The following TRMT9B variants were observed in gnomAD, a reference collection of about 807,000 sequenced individuals.
TRMT9B encodes tRNA methyltransferase 9B (putative), also known as probable tRNA methyltransferase 9B.
A neutral mutation model predicts 11.5 loss-of-function variants in TRMT9B; 16 were observed. The observed-to-expected ratio is 1.39, with a 90% CI of 0.94 to 2.11. TRMT9B has a LOEUF of 2.11. TRMT9B is among the 30% of genes most tolerant of loss of function. The probability of loss-of-function intolerance (pLI) is 0.00; values close to 1 mark genes in which losing one functional copy is unlikely to be tolerated. For missense variants in TRMT9B, 941 were observed against 553.8 expected, an observed-to-expected ratio of 1.70 and a Z score of -7.02; for synonymous variants, 274 against 192.4, an observed-to-expected ratio of 1.42 and a Z score of -3.51.
chr8:12,992,945 A>T (rs537516819), intron 2 of TRMT9B, among the ~76,000 whole-genome samples: 1 of 152,192 alleles, frequency 6.6e-6, no homozygotes, highest in Non-Finnish European at 1.5e-5. Context: ...TTTATGCAGG[A>T]GGAAGAAACT....
At chr8:12,962,051 C>G (rs899386496) in intron 1 of TRMT9B, 2 of 152,306 alleles carry the variant, frequency 1.3e-5, no homozygotes, top group African/African-American at 4.8e-5. Context: ...GCAATGCCAA[C>G]CATCCACAAG....
intron 1 of TRMT9B, among the ~76,000 whole-genome samples, chr8:12,963,592 C>T (rs758347122): frequency 3.9e-5 from 6 of 152,022 alleles, no homozygotes; most frequent in African/African-American, 1.2e-4. Flanking sequence ...TCTACAAAAA[C>T]AAAAATTAGC....
intron 1 of TRMT9B, among the ~76,000 whole-genome samples, chr8:12,950,564 T>TCTTTCTTTCTTTCTTTCTTTCTCTCTC (rs1554505540): frequency 6.6e-6 from 1 of 152,004 alleles, no homozygotes; most frequent in African/African-American, 2.4e-5. Flanking sequence ...TTTCTTTCTT[T>TCTTTCTTTCTTTCTTTCTTTCTCTCTC]TTGAATGTGA....
At chr8:12,984,634 C>G (rs946470331) in intron 1 of TRMT9B, among the ~76,000 whole-genome samples, 3 of 152,102 alleles carry the variant, frequency 2.0e-5, no homozygotes, top group Non-Finnish European at 4.4e-5. Context: ...TTCCACGGTA[C>G]TATTTTGGGG....
chr8:13,022,746 C>G lies in TRMT9B; in HGVS notation c.*702C>G, dbSNP rs961481268. ...GTGGCTCATGCCTGTAATCCCAGCA[C>G]TTTGGGAGGCCAAGGCAGAAGGATC... On this transcript the variant is annotated 3_prime_UTR_variant, in exon 5 of 5. Coordinates refer to ENST00000524591, the MANE Select transcript of TRMT9B (RefSeq NM_020844.3). 6.0e-6 allele frequency: 1 copy of G among 167,022 alleles called. No homozygotes were observed. The highest frequency in any genetic ancestry group is 1.5e-5 in the Non-Finnish European group (1 of 68,252). 10.3% of individuals were successfully genotyped at this position (167,022 alleles called of 1,614,324 possible).
chr8:12,973,782 C>G (rs999216077), intron 1 of TRMT9B, among the ~76,000 whole-genome samples: 4 of 152,154 alleles, frequency 2.6e-5, no homozygotes, highest in African/African-American at 7.2e-5. Context: ...ATGAGATCCA[C>G]AAAACACTTC....
At chr8:12,954,572 T>A (rs36048131) in intron 1 of TRMT9B, among the ~76,000 whole-genome samples, 52,277 of 152,150 alleles carry the variant, frequency 0.34, 10,223 homozygotes, top group Middle Eastern at 0.49. Flanking sequence ...TCAGCGCTTG[T>A]CTGTGCAATC....
chr8:13,009,302 C>G (rs1014888051), intron 3 of TRMT9B, among the ~76,000 whole-genome samples: 1 of 151,604 alleles, frequency 6.6e-6, no homozygotes, highest in Non-Finnish European at 1.5e-5. Flanking sequence ...GGTTAAAAGG[C>G]TCAGAGTATC....
At chr8:12,979,262 G>T (rs542235403) in intron 1 of TRMT9B, among the ~76,000 whole-genome samples, 4 of 152,248 alleles carry the variant, frequency 2.6e-5, no homozygotes, top group African/African-American at 9.6e-5. Flanking sequence ...CCTGACTTTC[G>T]CATAAAGTAT....
chr8:12,952,167 C>T (rs779959122), intron 1 of TRMT9B: 1 of 454,650 alleles, frequency 2.2e-6, no homozygotes, highest in South Asian at 1.6e-5. Flanking sequence ...AACGGGAGAG[C>T]TGCTGCCAGT....
intron 1 of TRMT9B, chr8:12,959,938 A>G (rs1250774375): frequency 6.6e-6 from 1 of 152,198 alleles, no homozygotes. Context: ...GGTACCCAGA[A>G]AAGTATTCTT....
At chr8:12,990,517 A>T (rs1401128348) in intron 1 of TRMT9B, among the ~76,000 whole-genome samples, 1 of 152,212 alleles carries the variant, frequency 6.6e-6, no homozygotes, top group Non-Finnish European at 1.5e-5. Flanking sequence ...TGTCTTAGGT[A>T]GTATTTATTT....
At chr8:13,010,992 TC>T (rs1811497247) in intron 3 of TRMT9B, 1 of 894,936 alleles carries the variant, frequency 1.1e-6, no homozygotes, top group African/African-American at 1.8e-5. Context: ...GTTTTCTTTT[TC>T]TTTTTTGAGA....
At chr8:12,961,462 G>A (rs531663292) in intron 1 of TRMT9B, among the ~76,000 whole-genome samples, 69 of 152,132 alleles carry the variant, frequency 4.5e-4, no homozygotes, top group African/African-American at 1.7e-3. Flanking sequence ...AGCACTTTGG[G>A]AGGCCGAGGT....
intron 1 of TRMT9B, among the ~76,000 whole-genome samples, chr8:12,957,332 T>A (rs1404290425): frequency 6.6e-5 from 10 of 152,158 alleles, no homozygotes; most frequent in Non-Finnish European, 1.5e-4. Context: ...TTTTAGTGTT[T>A]AGAGAAATAA....
chr8:12,949,842 C>T (rs1055470925), intron 1 of TRMT9B, among the ~76,000 whole-genome samples: 3 of 151,972 alleles, frequency 2.0e-5, no homozygotes, highest in African/African-American at 7.3e-5. Context: ...CTTCCACTCC[C>T]TAGTTAATTC....
At position 13,021,518 on chromosome 8, in the gene TRMT9B, G is replaced by A. The variant is rs760251177; in HGVS notation, c.839G>A (p.Ser280Asn). Residue 280 changes from serine (S) to asparagine (N), a missense_variant, in exon 5 of 5, where the codon AGC becomes AAC. By Grantham distance (46) the Ser-to-Asn change is conservative. Transcript: ENST00000524591. ...PLKNTEVWAS[S>N]TVTVQPSRHS... is the part of the protein sequence containing the mutation. ...AAAAACACAGAAGTTTGGGCCAGTA[G>A]CACTGTAACAGTCCAGCCTTCCAGA... is the stretch of plus-strand genomic sequence containing the variant. The A allele has an allele frequency of 3.7e-6, 6 of 1,613,686 alleles. 1 individual carries two copies. Among genetic ancestry groups the A allele is most frequent in the South Asian group, 3.3e-5 (3 of 91,054 alleles).
At chr8:13,008,363 T>C (rs890694699) in intron 3 of TRMT9B, among the ~76,000 whole-genome samples, 66 of 152,278 alleles carry the variant, frequency 4.3e-4, no homozygotes, top group African/African-American at 1.5e-3. Flanking sequence ...AATGGAGAAA[T>C]TGTGGCCCTA....
At chr8:12,955,371 G>T (rs1306094455) in intron 1 of TRMT9B, among the ~76,000 whole-genome samples, 1 of 152,040 alleles carries the variant, frequency 6.6e-6, no homozygotes, top group Non-Finnish European at 1.5e-5. Context: ...TTTGGTGTAT[G>T]GTCCTCTTCA....
Sources: gnomAD v4.1 joint callset for allele counts (sites outside exome capture counted in the v4.1 genomes callset) on GRCh38, gnomAD v4.1.1 for gene constraint, MANE v1.5 for transcripts, NCBI Gene and HGNC (gene_info 2026-07-23, HGNC 2026-07-21) for gene names.